Variants in MEF2C observed in about 807,000 individuals in gnomAD.
MEF2C encodes myocyte-specific enhancer factor 2C.
Under a neutral mutation model 50.5 loss-of-function variants are expected in MEF2C, and 6 were observed. The observed-to-expected ratio is 0.12, with a 90% CI of 0.07 to 0.23. The LOEUF (loss-of-function observed/expected upper bound fraction) is 0.23, where lower values mean the gene tolerates loss of function less well. MEF2C is among the 10% of genes least tolerant of loss of function. The probability of loss-of-function intolerance (pLI) is 1.00; values close to 1 mark genes in which losing one functional copy is unlikely to be tolerated. For missense variants in MEF2C, 276 were observed against 605.0 expected (o/e 0.46, Z 5.70); for synonymous variants, 183 against 228.0 (o/e 0.80, Z 1.78).
At chr5:88,880,617 C>T (rs186905673) in intron 1 of MEF2C, among the ~76,000 whole-genome samples, 175 of 152,154 alleles carry the variant, frequency 1.2e-3, no homozygotes, top group African/African-American at 4.0e-3. Flanking sequence ...TAGAAAGATA[C>T]GTTTGCAGTG....
intron 3 of MEF2C, among the ~76,000 whole-genome samples, chr5:88,802,874 C>T (rs1333576866): frequency 6.6e-6 from 1 of 152,116 alleles, no homozygotes. Context: ...ACATATTTTC[C>T]AATTGGCTCA....
At position 88,717,607 on chromosome 5, in the gene MEF2C, G is replaced by A. The variant is rs573007538; in HGVS notation, c.*4997C>T. On this transcript the variant is annotated 3_prime_UTR_variant, in exon 11 of 11. Transcript: ENST00000504921. ...CTCGAACTGCATTCTTTTTGGAGCA[G>A]ATATCACTACTAATGCAAAAGTCCA... 19 of 152,214 alleles carry A rather than the reference G, an allele frequency of 1.2e-4. No homozygotes were observed. Among genetic ancestry groups the A allele is most frequent in the Non-Finnish European group, 2.1e-4 (14 of 68,038 alleles). 9.4% of individuals were successfully genotyped at this position (152,214 alleles called of 1,614,324 possible). A position where few individuals can be genotyped will look rare whatever the true frequency, so the allele number is the denominator to read the frequency against.
intron 1 of MEF2C, among the ~76,000 whole-genome samples, chr5:88,844,234 A>G (rs1259115336): frequency 6.6e-6 from 1 of 152,172 alleles, no homozygotes; most frequent in African/African-American, 2.4e-5. Context: ...ATTATACTTC[A>G]TATTATATTT....
intron 2 of MEF2C, among the ~76,000 whole-genome samples, chr5:88,816,800 G>A (rs1297437544): frequency 2.6e-5 from 4 of 151,718 alleles, no homozygotes; most frequent in African/African-American, 4.8e-5. Context: ...TGGGGAGGCA[G>A]GCATCTGTTA....
At chr5:88,903,689 A>G (rs1430241146) in intron 1 of MEF2C, among the ~76,000 whole-genome samples, 2 of 152,122 alleles carry the variant, frequency 1.3e-5, no homozygotes, top group African/African-American at 4.8e-5. Flanking sequence ...AAAGAGACCA[A>G]TATTTAAAAA....
chr5:88,853,595 G>C (rs573254703), intron 1 of MEF2C, among the ~76,000 whole-genome samples: 3 of 152,166 alleles, frequency 2.0e-5, no homozygotes, highest in African/African-American at 7.2e-5. Flanking sequence ...CTGGTGAAAA[G>C]TAAAACTTAG....
intron 2 of MEF2C, among the ~76,000 whole-genome samples, chr5:88,806,255 G>C (rs1800401112): frequency 1.3e-5 from 2 of 152,088 alleles, no homozygotes; most frequent in Admixed American, 1.3e-4. Context: ...CCACCTTGCA[G>C]AGAGGCCAGC....
intron 6 of MEF2C, chr5:88,734,295 TG>T: frequency 1.0e-6 from 1 of 985,406 alleles, no homozygotes; most frequent in Non-Finnish European, 1.2e-6. Context: ...GTGTGAGATC[TG>T]GTTTATATAA....
At chr5:88,735,651 C>T in intron 6 of MEF2C, 1 of 984,870 alleles carries the variant, frequency 1.0e-6, no homozygotes, top group South Asian at 4.7e-5. Context: ...TTTGTATATA[C>T]TCATATTAGT....
At chr5:88,809,605 A>C (rs1258118377) in intron 2 of MEF2C, among the ~76,000 whole-genome samples, 1 of 152,168 alleles carries the variant, frequency 6.6e-6, no homozygotes, top group Non-Finnish European at 1.5e-5. Context: ...TTTCAGTCAT[A>C]TCTAATAATC....
At chr5:88,868,082 T>G in intron 1 of MEF2C, among the ~76,000 whole-genome samples, 1 of 152,090 alleles carries the variant, frequency 6.6e-6, no homozygotes, top group East Asian at 1.9e-4. Context: ...ACCCCCTGTG[T>G]TGGAAATCAA....
At chr5:88,792,410 G>C (rs1433053394) in intron 3 of MEF2C, among the ~76,000 whole-genome samples, 3 of 152,146 alleles carry the variant, frequency 2.0e-5, no homozygotes, top group Non-Finnish European at 4.4e-5. Context: ...TTCCAGATCA[G>C]AGTCTCTCGA....
chr5:88,723,070 GGGCATCGCCTTCTCAGGGCGATTTA>G lies in MEF2C; in HGVS notation c.1101-170_1101-146del, dbSNP rs1187104887. ...AGAAAACGTGCTTGGAAGCACATAA[GGGCATCGCCTTCTCAGGGCGATTTA>G]GGATGCCTTTGTTGATTTGCCCGGT... On this transcript the variant is annotated intron_variant, in intron 10 of 10. Coordinates refer to ENST00000504921, the MANE Select transcript of MEF2C (RefSeq NM_002397.5). 4.1e-6 allele frequency: 3 copies of G among 732,506 alleles called. No individual in the cohort carries two copies. The African/African-American group carries it at 5.3e-5, about 13-fold the overall frequency. The allele number at this position is 732,506 out of a possible 1,614,324, so 45.4% of individuals were successfully genotyped here. A position where few individuals can be genotyped will look rare whatever the true frequency, so the allele number is the denominator to read the frequency against.
At chr5:88,828,105 G>A (rs1811657761) in intron 1 of MEF2C, among the ~76,000 whole-genome samples, 1 of 151,880 alleles carries the variant, frequency 6.6e-6, no homozygotes, top group South Asian at 2.1e-4. Context: ...TAAGGTTTCT[G>A]TAGGAAGAAA....
intron 2 of MEF2C, among the ~76,000 whole-genome samples, chr5:88,820,054 A>C (rs1807493919): frequency 7.1e-6 from 1 of 141,350 alleles, no homozygotes; most frequent in South Asian, 2.2e-4. Flanking sequence ...AATGGGACTT[A>C]TTAATAAAAA....
chr5:88,806,221 T>A (rs1185408284), intron 2 of MEF2C, among the ~76,000 whole-genome samples: 1 of 152,170 alleles, frequency 6.6e-6, no homozygotes, highest in Non-Finnish European at 1.5e-5. Context: ...TCATTTAAAC[T>A]TTTTTCATAC....
At chr5:88,836,667 G>A (rs1487718727) in intron 1 of MEF2C, among the ~76,000 whole-genome samples, 1 of 152,206 alleles carries the variant, frequency 6.6e-6, no homozygotes, top group African/African-American at 2.4e-5. Context: ...CTAGGCCGAA[G>A]GCCTAGCAGG....
At chr5:88,772,350 T>C (rs1387064380) in intron 3 of MEF2C, 2 of 152,256 alleles carry the variant, frequency 1.3e-5, no homozygotes, top group African/African-American at 4.8e-5. Flanking sequence ...CTTTAATTCC[T>C]TGTCTCCCAA....
intron 3 of MEF2C, among the ~76,000 whole-genome samples, chr5:88,804,201 A>T (rs1263132696): frequency 6.6e-6 from 1 of 152,180 alleles, no homozygotes; most frequent in African/African-American, 2.4e-5. Flanking sequence ...TTTTTCTTTG[A>T]TGATGCCGGG....
Sources: allele counts gnomAD v4.1 joint callset (sites outside exome capture counted in the v4.1 genomes callset), GRCh38; gene constraint gnomAD v4.1.1; transcripts MANE v1.5; gene names NCBI Gene and HGNC (gene_info 2026-07-23, HGNC 2026-07-21).